Variants in ARMC2 observed in about 807,000 individuals in gnomAD.
The protein encoded by ARMC2 is armadillo repeat-containing protein 2.
In ARMC2, 67 loss-of-function variants were observed where a neutral mutation model predicts 90.3. That is an observed-to-expected ratio of 0.74 (90% confidence interval 0.61 to 0.91). The LOEUF is 0.91. Ranked by LOEUF, ARMC2 falls within the 40% of genes least tolerant of loss-of-function variation. ARMC2 has a pLI of 0.00. For missense variants in ARMC2, 920 were observed against 1,030.9 expected, an observed-to-expected ratio of 0.89 and a Z score of 1.47; for synonymous variants, 393 against 393.0, an observed-to-expected ratio of 1.00 and a Z score of 0.00.
the ARMC2 span, among the ~76,000 whole-genome samples, chr6:109,028,794 GAA>G: frequency 6.6e-6 from 1 of 152,050 alleles, no homozygotes; most frequent in African/African-American, 2.4e-5. Flanking sequence ...CAGTGCACTG[GAA>G]AAAGAGACCA....
At chr6:108,960,513 C>G (rs1485874352) in intron 13 of ARMC2, among the ~76,000 whole-genome samples, 1 of 152,200 alleles carries the variant, frequency 6.6e-6, no homozygotes, top group African/African-American at 2.4e-5. Flanking sequence ...GTTCTAGAAG[C>G]TGGGAATGCA....
chr6:108,934,015 C>A (rs1034237206), intron 11 of ARMC2, among the ~76,000 whole-genome samples: 1 of 152,170 alleles, frequency 6.6e-6, no homozygotes, highest in Non-Finnish European at 1.5e-5. Context: ...GCATGTGCCA[C>A]CACACCCAGC....
the ARMC2 span, chr6:109,009,699 G>A: frequency 7.4e-5 from 25 of 339,038 alleles, no homozygotes; most frequent in Non-Finnish European, 9.1e-5. Context: ...GGGAACTGGC[G>A]GTCTGACGCG....
At chr6:109,051,163 C>A in the ARMC2 span, among the ~76,000 whole-genome samples, 45 of 150,392 alleles carry the variant, frequency 3.0e-4, no homozygotes, top group Non-Finnish European at 6.1e-4. Context: ...AAAAAAACAA[C>A]AAAAAAAAAC....
At chr6:108,857,311 G>A (rs764838280) in intron 2 of ARMC2, among the ~76,000 whole-genome samples, 4 of 152,058 alleles carry the variant, frequency 2.6e-5, no homozygotes, top group Non-Finnish European at 4.4e-5. Flanking sequence ...TAAATATTTA[G>A]TTTTTGGAGT....
chr6:108,859,066 G>A (rs1774949152), intron 3 of ARMC2, among the ~76,000 whole-genome samples: 1 of 152,164 alleles, frequency 6.6e-6, no homozygotes, highest in African/African-American at 2.4e-5. Context: ...TTGAATTAAT[G>A]ATAAATTCTC....
intron 12 of ARMC2, among the ~76,000 whole-genome samples, chr6:108,942,523 A>G (rs1245786257): frequency 4.6e-5 from 7 of 152,242 alleles, no homozygotes; most frequent in Non-Finnish European, 1.0e-4. Context: ...ATTTACTTGA[A>G]TGTTGAGGCT....
intron 3 of ARMC2, among the ~76,000 whole-genome samples, chr6:108,866,585 T>C (rs1349655061): frequency 6.6e-6 from 1 of 152,142 alleles, no homozygotes; most frequent in Non-Finnish European, 1.5e-5. Flanking sequence ...ATAATAGGAA[T>C]TGTGTTTATG....
intron 12 of ARMC2, among the ~76,000 whole-genome samples, chr6:108,940,405 T>G (rs542488108): frequency 6.6e-6 from 1 of 152,296 alleles, no homozygotes; most frequent in Non-Finnish European, 1.5e-5. Context: ...CAGGTATTAA[T>G]AGACAGGCTT....
At chr6:108,862,361 A>AAAAAAAC (rs1775348475) in intron 3 of ARMC2, among the ~76,000 whole-genome samples, 1 of 146,876 alleles carries the variant, frequency 6.8e-6, no homozygotes. Flanking sequence ...AAAAAAAACA[A>AAAAAAAC]AAAAAACAAA....
At chr6:109,037,153 A>C in the ARMC2 span, among the ~76,000 whole-genome samples, 2 of 152,216 alleles carry the variant, frequency 1.3e-5, no homozygotes, top group Admixed American at 1.3e-4. Context: ...CAGAAAAACA[A>C]GTTACCTCAC....
At chr6:108,950,697 G>A (rs960676209) in intron 12 of ARMC2, among the ~76,000 whole-genome samples, 9 of 152,112 alleles carry the variant, frequency 5.9e-5, no homozygotes, top group African/African-American at 9.7e-5. Context: ...CCTGGGTGAC[G>A]AAATAATCTG....
intron 12 of ARMC2, among the ~76,000 whole-genome samples, chr6:108,942,038 C>T (rs1359720295): frequency 2.0e-5 from 3 of 152,098 alleles, no homozygotes; most frequent in African/African-American, 7.2e-5. Flanking sequence ...CCAGAAATTC[C>T]CATAAGTCTT....
At chr6:108,867,711 C>T (rs575588537) in intron 3 of ARMC2, among the ~76,000 whole-genome samples, 30 of 151,962 alleles carry the variant, frequency 2.0e-4, no homozygotes, top group African/African-American at 6.5e-4. Flanking sequence ...GCGGAGGTTG[C>T]GGTGAGCCAA....
the ARMC2 span, among the ~76,000 whole-genome samples, chr6:109,041,047 T>A: frequency 4.6e-5 from 7 of 151,440 alleles, no homozygotes; most frequent in Admixed American, 3.3e-4. Flanking sequence ...ATGCCCATAA[T>A]CCCAGCACTT....
the ARMC2 span, among the ~76,000 whole-genome samples, chr6:109,022,483 C>T: frequency 4.8e-3 from 600 of 125,278 alleles, 3 homozygotes; most frequent in African/African-American, 0.018. Context: ...AGTGCAGTGG[C>T]GCGATCTCGG....
intron 5 of ARMC2, among the ~76,000 whole-genome samples, chr6:108,887,475 G>T (rs992225982): frequency 5.3e-5 from 8 of 152,158 alleles, no homozygotes; most frequent in African/African-American, 9.7e-5. Flanking sequence ...GACCCATTTT[G>T]CTTTAATCAG....
the ARMC2 span, among the ~76,000 whole-genome samples, chr6:109,030,935 A>G: frequency 6.6e-6 from 1 of 152,182 alleles, no homozygotes; most frequent in Non-Finnish European, 1.5e-5. Context: ...TCCACTACTC[A>G]ACTGTTTAAA....
At chr6:109,004,815 A>T in the ARMC2 span, among the ~76,000 whole-genome samples, 1 of 152,204 alleles carries the variant, frequency 6.6e-6, no homozygotes, top group Non-Finnish European at 1.5e-5. Flanking sequence ...ACTCAAAACA[A>T]CTGCAAGTTA....
Sources: allele counts gnomAD v4.1 joint callset (sites outside exome capture counted in the v4.1 genomes callset), GRCh38; gene constraint gnomAD v4.1.1; transcripts MANE v1.5; gene names NCBI Gene and HGNC (gene_info 2026-07-23, HGNC 2026-07-21).